Variants in PDE8B observed in about 807,000 individuals in gnomAD.
PDE8B encodes the protein high affinity cAMP-specific and IBMX-insensitive 3',5'-cyclic phosphodiesterase 8B.
In PDE8B, 26 loss-of-function variants were observed where a neutral mutation model predicts 101.3. The ratio of observed to expected loss-of-function variants is 0.26; its 90% CI spans 0.19 to 0.36. The LOEUF (loss-of-function observed/expected upper bound fraction) is 0.36. Ranked by LOEUF, PDE8B falls within the 10% of genes least tolerant of loss-of-function variation. PDE8B has a pLI of 1.00. For synonymous variants in PDE8B, 424 were observed against 429.3 expected (o/e 0.99, Z 0.15); for missense variants, 810 against 1,163.1 (o/e 0.70, Z 4.42).
intron 10 of PDE8B, among the ~76,000 whole-genome samples, chr5:77,397,184 C>A (rs1230117920): frequency 6.6e-6 from 1 of 151,508 alleles, no homozygotes; most frequent in African/African-American, 2.4e-5. Context: ...TGCACACCAC[C>A]CTGCCTGGCT....
chr5:77,168,854 G>A, the PDE8B span, among the ~76,000 whole-genome samples: 1 of 152,196 alleles, frequency 6.6e-6, no homozygotes, highest in East Asian at 1.9e-4. Context: ...CATGTTTTCA[G>A]TAGGGCCTCT....
In PDE8B at chr5:77,290,658, G is replaced by C. The variant is rs1378987917; in HGVS notation, c.340-21336G>C. On this transcript the variant is annotated intron_variant, in intron 1 of 21. Coordinates refer to ENST00000264917, the MANE Select transcript of PDE8B (RefSeq NM_003719.5). ...TGTGGATATCTGTGACTATGCTGTT[G>C]GTTTATCAAGGATGATTGGAGGACC... is the stretch of plus-strand genomic sequence containing the variant. The C allele has an allele frequency of 1.0e-5, 15 of 1,506,758 alleles. No homozygotes were observed. The East Asian group carries it at 2.7e-4, about 27-fold the overall frequency. The allele number at this position is 1,506,758 out of a possible 1,614,324, so 93.3% of individuals were successfully genotyped here.
At chr5:77,311,701 T>A (rs555792804) in intron 1 of PDE8B, among the ~76,000 whole-genome samples, 2 of 152,360 alleles carry the variant, frequency 1.3e-5, no homozygotes, top group South Asian at 4.1e-4. Flanking sequence ...ACATGCTTAT[T>A]ATAAAAATCC....
chr5:77,206,669 C>G (rs1194362875), upstream of PDE8B, among the ~76,000 whole-genome samples: 1 of 151,972 alleles, frequency 6.6e-6, no homozygotes, highest in Admixed American at 6.6e-5. Flanking sequence ...GTCTTCGAGG[C>G]ACTTATAAGG....
the PDE8B span, among the ~76,000 whole-genome samples, chr5:77,175,454 A>C: frequency 6.6e-6 from 1 of 152,162 alleles, no homozygotes; most frequent in African/African-American, 2.4e-5. Flanking sequence ...AGATCTTTGC[A>C]TTCCCAGCTC....
At chr5:77,104,595 C>G in the PDE8B span, 2 of 152,152 alleles carry the variant, frequency 1.3e-5, no homozygotes, top group Non-Finnish European at 2.9e-5. Flanking sequence ...CCAGCTCTCA[C>G]CAGACGCTGA....
chr5:77,321,844 C>G (rs945226568), intron 2 of PDE8B, among the ~76,000 whole-genome samples: 3 of 152,116 alleles, frequency 2.0e-5, no homozygotes, highest in Non-Finnish European at 4.4e-5. Flanking sequence ...ATCTGTTGGC[C>G]TTGCAACAGA....
In PDE8B at chr5:77,273,040, C is replaced by T. The variant is rs962063783; in HGVS notation, c.340-38954C>T. Among the ~76,000 whole-genome samples, 4 of 152,160 alleles carry T rather than the reference C, an allele frequency of 2.6e-5. No individual in the cohort carries two copies. The East Asian group carries it at 5.8e-4, about 22-fold the overall frequency. On this transcript the variant is annotated intron_variant, in intron 1 of 21. Coordinates refer to ENST00000264917, the MANE Select transcript of PDE8B (RefSeq NM_003719.5). The stretch of plus-strand genomic sequence containing the variant: ...CAAGACATGAATTTAAAGAAACTTG[C>T]TTATCCAAATCATTCTTCTTTTAAG...
Position 77,426,622 on chromosome 5 carries a change from G to A in PDE8B, c.*68G>A. 1.2e-6 allele frequency: 1 copy of A among 801,200 alleles called. No homozygotes were observed. The highest frequency in any genetic ancestry group is 1.9e-5 in the Admixed American group (1 of 52,898). 49.6% of individuals were successfully genotyped at this position (801,200 alleles called of 1,614,324 possible). On this transcript the variant is annotated 3_prime_UTR_variant, in exon 22 of 22. Transcript: ENST00000264917. ...GTGAATCACAGTAGCGTAAACGAGA[G>A]GCCTTCCTTTCTAATGACAATGACA...
At chr5:77,415,861 C>G (rs919192665) in intron 17 of PDE8B, among the ~76,000 whole-genome samples, 10 of 152,164 alleles carry the variant, frequency 6.6e-5, no homozygotes, top group African/African-American at 2.4e-4. Flanking sequence ...GAATATTTAT[C>G]CTGAATAAGA....
At chr5:77,408,730 G>A (rs1481974922) in intron 13 of PDE8B, among the ~76,000 whole-genome samples, 163 bp from the exon 14 acceptor site, 1 of 152,192 alleles carries the variant, frequency 6.6e-6, no homozygotes, top group Non-Finnish European at 1.5e-5. Context: ...AGCCCGCAGG[G>A]AGAAAAGCAT....
At chr5:77,389,738 TCTCA>T (rs1201892923) in intron 10 of PDE8B, among the ~76,000 whole-genome samples, 1 of 152,206 alleles carries the variant, frequency 6.6e-6, no homozygotes, top group African/African-American at 2.4e-5. Flanking sequence ...GGTTGGCTTC[TCTCA>T]CTCATAATGT....
chr5:77,266,335 C>G (rs1761706449), intron 1 of PDE8B, among the ~76,000 whole-genome samples: 1 of 152,212 alleles, frequency 6.6e-6, no homozygotes, highest in Non-Finnish European at 1.5e-5. Flanking sequence ...GTGTCCTTTT[C>G]TCACACATGG....
At chr5:77,226,948 C>G (rs950811491) in intron 1 of PDE8B, among the ~76,000 whole-genome samples, 2 of 152,144 alleles carry the variant, frequency 1.3e-5, no homozygotes, top group African/African-American at 4.8e-5. Flanking sequence ...TAGTGGCTGC[C>G]TTTTCATCTT....
the PDE8B span, among the ~76,000 whole-genome samples, chr5:77,177,361 C>G: frequency 9.2e-5 from 14 of 152,150 alleles, no homozygotes; most frequent in Admixed American, 2.6e-4. Context: ...CCTATACATA[C>G]GTACCTATGA....
At position 77,419,552 on chromosome 5, in the gene PDE8B, A is replaced by G. The variant is rs11750342; in HGVS notation, c.2130-215A>G. 0.099 allele frequency among the ~76,000 whole-genome samples: 15,099 copies of G among 152,196 alleles called. 848 individuals carry two copies. The highest frequency in any genetic ancestry group is 0.15 in the South Asian group (711 of 4,824). On this transcript the variant is annotated intron_variant, in intron 18 of 21. Transcript: ENST00000264917. The stretch of plus-strand genomic sequence containing the variant: ...TTCTCTCTTTTTTAAAATACTCATA[A>G]ATCACATAAGGGTCAGCTATCACTG...
At chr5:77,172,573 G>T in the PDE8B span, among the ~76,000 whole-genome samples, 42,832 of 152,120 alleles carry the variant, frequency 0.28, 8,448 homozygotes, top group African/African-American at 0.55. Context: ...AGCAACATTA[G>T]AACACTTATA....
Position 77,211,006 on chromosome 5 carries a change from C to T in PDE8B, c.81C>T (p.Arg27=). ...CRDSDESSSP[R]QTTSVSQGPA... The stretch of plus-strand genomic sequence containing the variant: ...ACTCGGACGAGTCCAGCTCGCCCCG[C>T]CAGACCACCAGCGTGTCGCAGGGCC... Residue 27 remains arginine (R), a synonymous_variant, in exon 1 of 22, where the codon CGC becomes CGT. Coordinates refer to ENST00000264917, the MANE Select transcript of PDE8B (RefSeq NM_003719.5). The surrounding 1 kb of genome is among the most constrained non-coding windows in gnomAD (Gnocchi z 4.1). The T allele has an allele frequency of 6.5e-7, 1 of 1,549,664 alleles. No homozygotes were observed. The highest frequency in any genetic ancestry group is 8.6e-7 in the Non-Finnish European group (1 of 1,157,956).
intron 1 of PDE8B, chr5:77,290,466 G>C: frequency 6.8e-7 from 1 of 1,460,334 alleles, no homozygotes; most frequent in African/African-American, 1.4e-5. Flanking sequence ...TGTAAAGAAA[G>C]CAACAGAAGC....
Sources: gnomAD v4.1 joint callset for allele counts (sites outside exome capture counted in the v4.1 genomes callset) on GRCh38, gnomAD v4.1.1 for gene constraint, Gnocchi (gnomAD v3.1) non-coding constraint, MANE v1.5 for transcripts, NCBI Gene and HGNC (gene_info 2026-07-23, HGNC 2026-07-21) for gene names.